The following FGF13 variants were observed in gnomAD, a reference collection of about 807,000 sequenced individuals.
FGF13 encodes fibroblast growth factor 13.
A neutral mutation model predicts 19.5 loss-of-function variants in FGF13; 2 were observed. The observed-to-expected ratio is 0.10, with a 90% confidence interval of 0.04 to 0.32. The LOEUF is 0.32. Among genes scored for constraint, FGF13 ranks in the 10% least tolerant of loss-of-function variants. FGF13 has a pLI of 1.00. For synonymous variants in FGF13, 72 were observed against 76.9 expected, an observed-to-expected ratio of 0.94 and a Z score of 0.33; for missense variants, 113 against 192.7, an observed-to-expected ratio of 0.59 and a Z score of 2.45.
At chrX:139,155,671 T>C (rs1027722753) in intron 1 of FGF13, among the ~76,000 whole-genome samples, 2 of 112,420 alleles carry the variant, frequency 1.8e-5, no homozygotes, top group South Asian at 3.7e-4. Flanking sequence ...AAGTTCTTAC[T>C]GGCCACAACA....
chrX:138,660,244 C>T, intron 3 of FGF13, among the ~76,000 whole-genome samples: 1 of 111,274 alleles, frequency 9.0e-6, no homozygotes, highest in Non-Finnish European at 1.9e-5. Context: ...AACTGTATTT[C>T]CAATTTAATC....
chrX:138,687,876 A>G (rs918894886), intron 3 of FGF13, among the ~76,000 whole-genome samples: 1 of 111,564 alleles, frequency 9.0e-6, no homozygotes, highest in African/African-American at 3.3e-5. Context: ...GGAGGTCATT[A>G]TGCTAAGTGA....
rs185969810 is a variant in FGF13 at position 139,095,096 on chromosome X, T to C, written c.-113+108320A>G. 1.6e-3 allele frequency among the ~76,000 whole-genome samples: 176 copies of C among 112,325 alleles called. 1 individual carries two copies. Among genetic ancestry groups the C allele is most frequent in the African/African-American group, 5.5e-3 (171 of 30,941 alleles). On this transcript the variant is annotated intron_variant, in intron 1 of 2. Transcript: ENST00000421460. Reference sequence around the variant, plus strand: ...TTGTTCCCAGCTTCCTTTCAGATAGTTGTCTGCCTCTTCTTTAATTGAGGA... The same window carrying C: ...TTGTTCCCAGCTTCCTTTCAGATAGCTGTCTGCCTCTTCTTTAATTGAGGA...
intron 1 of FGF13, among the ~76,000 whole-genome samples, chrX:139,129,350 A>G (rs1032938689): frequency 3.6e-4 from 40 of 111,117 alleles, no homozygotes; most frequent in Middle Eastern, 4.7e-3. Context: ...AAGGCTCCTC[A>G]AGTGATTCTG....
At chrX:139,175,095 T>C (rs1286752245) in intron 1 of FGF13, among the ~76,000 whole-genome samples, 2 of 111,814 alleles carry the variant, frequency 1.8e-5, no homozygotes, top group Non-Finnish European at 1.9e-5. Flanking sequence ...GTAGTTCTCC[T>C]TGAAGAGGTC....
At chrX:139,189,478 C>T (rs929016111) in intron 1 of FGF13, among the ~76,000 whole-genome samples, 1 of 111,663 alleles carries the variant, frequency 9.0e-6, no homozygotes, top group African/African-American at 3.3e-5. Context: ...GAAATTCCCA[C>T]ACACACTACA....
chrX:138,772,018 GTATATATATATATATATATATA>G (rs56411673), intron 3 of FGF13, among the ~76,000 whole-genome samples: 5,379 of 56,513 alleles, frequency 0.095, 191 homozygotes, highest in Middle Eastern at 0.2. Flanking sequence ...ATACATATGT[GTATATATATATATATATATATA>G]TATATATATA....
rs979264990 is a variant in FGF13 at position 138,913,630 on chromosome X, G to C, written c.-112-48980C>G. Among the ~76,000 whole-genome samples the C allele has an allele frequency of 6.1e-4, 57 of 93,720 alleles. 1 individual carries two copies. Among genetic ancestry groups the C allele is most frequent in the African/African-American group, 2.2e-3 (57 of 25,403 alleles). The allele number at this position is 93,720 out of a possible 115,157, so 81.4% of individuals were successfully genotyped here. ...AGAGAGAGAGAGGGAGGGAGGGAAG[G>C]AGGGATGGAGGAAGGAAGGAAGGAA... On this transcript the variant is annotated intron_variant, in intron 1 of 2. Coordinates refer to the FGF13 transcript ENST00000421460.
chrX:139,019,113 G>T (rs2092166530), intron 1 of FGF13, among the ~76,000 whole-genome samples: 1 of 111,619 alleles, frequency 9.0e-6, no homozygotes, highest in Non-Finnish European at 1.9e-5. Context: ...CTATCTTCAT[G>T]TCTTATTTTA....
intron 1 of FGF13, among the ~76,000 whole-genome samples, chrX:139,059,430 A>AGAG (rs1556348517): frequency 9.3e-6 from 1 of 107,360 alleles, no homozygotes; most frequent in Non-Finnish European, 1.9e-5. Context: ...TTAAAAAAAA[A>AGAG]AGAGAGAGAG....
At chrX:138,939,306 T>G (rs2124270780) in intron 1 of FGF13, among the ~76,000 whole-genome samples, 1 of 112,182 alleles carries the variant, frequency 8.9e-6, no homozygotes, top group East Asian at 2.8e-4. Flanking sequence ...GTCAAATGAT[T>G]TCTCCCTGTA....
intron 1 of FGF13, among the ~76,000 whole-genome samples, chrX:139,009,846 A>G (rs894916673): frequency 8.9e-6 from 1 of 111,869 alleles, no homozygotes; most frequent in Non-Finnish European, 1.9e-5. Flanking sequence ...TACTCCACTT[A>G]AAAAACACAG....
intron 1 of FGF13, among the ~76,000 whole-genome samples, chrX:138,950,993 G>A (rs146535229): frequency 2.2e-3 from 244 of 111,589 alleles, no homozygotes; most frequent in African/African-American, 7.4e-3. Flanking sequence ...CTTACTATGT[G>A]CTATGCCCTG....
chrX:139,054,882 G>GTGTTGTGTTA (rs2092315808), intron 1 of FGF13, among the ~76,000 whole-genome samples: 3 of 97,434 alleles, frequency 3.1e-5, no homozygotes, highest in Non-Finnish European at 6.0e-5. Context: ...GTGTTGTGTT[G>GTGTTGTGTTA]TGTTGTGTTG....
chrX:139,051,063 C>T (rs1477702485), intron 1 of FGF13, among the ~76,000 whole-genome samples: 1 of 111,895 alleles, frequency 8.9e-6, no homozygotes, highest in Non-Finnish European at 1.9e-5. Context: ...TACTTAAAGC[C>T]TCACTAAATA....
chrX:138,959,306 T>C (rs2091857455), intron 1 of FGF13, among the ~76,000 whole-genome samples: 1 of 112,075 alleles, frequency 8.9e-6, no homozygotes, highest in African/African-American at 3.2e-5. Flanking sequence ...AGCAGGTTGT[T>C]CAGATTCCAC....
intron 3 of FGF13, among the ~76,000 whole-genome samples, chrX:138,642,620 CA>C (rs935273460): frequency 7.2e-5 from 8 of 110,702 alleles, no homozygotes; most frequent in Non-Finnish European, 1.5e-4. Context: ...AATCAATTTA[CA>C]AAAAAAAGGC....
At chrX:138,689,488 G>A (rs5931478) in intron 3 of FGF13, among the ~76,000 whole-genome samples, 3,754 of 111,293 alleles carry the variant, frequency 0.034, 132 homozygotes, top group African/African-American at 0.11. Context: ...TACAGATACT[G>A]AAAAACAAAT....
intron 1 of FGF13, among the ~76,000 whole-genome samples, chrX:138,866,120 G>C (rs190719481): frequency 2.7e-5 from 3 of 112,733 alleles, no homozygotes; most frequent in African/African-American, 9.7e-5. Context: ...TCCAGAAATT[G>C]TTTCCTTGAA....
Sources: gnomAD v4.1 joint callset for allele counts (sites outside exome capture counted in the v4.1 genomes callset) on GRCh38, gnomAD v4.1.1 for gene constraint, MANE v1.5 for transcripts, NCBI Gene and HGNC (gene_info 2026-07-23, HGNC 2026-07-21) for gene names.